The following NAALAD2 variants were observed in gnomAD, a reference collection of about 807,000 sequenced individuals.
NAALAD2 encodes the protein N-acetylated alpha-linked acidic dipeptidase 2, also known as N-acetylated-alpha-linked acidic dipeptidase 2.
A neutral mutation model predicts 95.6 loss-of-function variants in NAALAD2; 89 were observed. The observed-to-expected ratio is 0.93, with a 90% CI of 0.78 to 1.11. The LOEUF is 1.11. Among genes scored for constraint, NAALAD2 ranks in the 50% least tolerant of loss-of-function variants. The pLI, the probability that NAALAD2 is intolerant of heterozygous loss-of-function variation, is 0.00. For missense variants in NAALAD2, 894 were observed against 872.4 expected, an observed-to-expected ratio of 1.02 and a Z score of -0.31; for synonymous variants, 264 against 294.4, an observed-to-expected ratio of 0.90 and a Z score of 1.06.
At chr11:90,171,999 GAAAA>G (rs1952654647) in intron 13 of NAALAD2, among the ~76,000 whole-genome samples, 1 of 106,434 alleles carries the variant, frequency 9.4e-6, no homozygotes, top group African/African-American at 5.1e-5. Flanking sequence ...AGAAAGAAAA[GAAAA>G]AAGAAAGAAA....
At chr11:90,182,628 G>A (rs1437829769) in intron 17 of NAALAD2, among the ~76,000 whole-genome samples, 1 of 125,084 alleles carries the variant, frequency 8.0e-6, no homozygotes, top group African/African-American at 3.2e-5. Flanking sequence ...AGGCCTGGCT[G>A]TCCTCCTAGA....
At chr11:90,165,413 AGT>A (rs903208098) in intron 11 of NAALAD2, among the ~76,000 whole-genome samples, 13 of 152,260 alleles carry the variant, frequency 8.5e-5, no homozygotes, top group African/African-American at 2.6e-4. Context: ...TCCATCTGCT[AGT>A]TATCATTTAT....
At chr11:90,165,640 C>T (rs1400666413) in intron 11 of NAALAD2, among the ~76,000 whole-genome samples, 2 of 152,114 alleles carry the variant, frequency 1.3e-5, no homozygotes, top group African/African-American at 4.8e-5. Context: ...ATTTACACTG[C>T]GAATTGTTAT....
intron 6 of NAALAD2, among the ~76,000 whole-genome samples, chr11:90,155,822 A>G (rs930578956): frequency 8.7e-6 from 1 of 115,194 alleles, no homozygotes; most frequent in Non-Finnish European, 1.6e-5. Context: ...TATAATATAT[A>G]TGTAATATAT....
At chr11:90,135,774 G>T (rs1951440865) in intron 2 of NAALAD2, 104 bp downstream of exon 2, 7 of 786,962 alleles carry the variant, frequency 8.9e-6, no homozygotes, top group South Asian at 3.0e-5. Context: ...TTCTCTGTGT[G>T]AAATTACATA....
At chr11:90,140,819 TTCC>T (rs1228661979) in intron 2 of NAALAD2, among the ~76,000 whole-genome samples, 2 of 152,154 alleles carry the variant, frequency 1.3e-5, no homozygotes, top group African/African-American at 4.8e-5. Context: ...GTCTTCTTTT[TTCC>T]CCCAGAGATT....
chr11:90,179,538 G>GA (rs973496008), intron 16 of NAALAD2, among the ~76,000 whole-genome samples: 2 of 151,620 alleles, frequency 1.3e-5, no homozygotes, highest in African/African-American at 4.8e-5. Context: ...CTATGGTCTA[G>GA]AAAAAAAATG....
At chr11:90,180,760 G>A (rs1051897716) in intron 16 of NAALAD2, among the ~76,000 whole-genome samples, 1 of 151,930 alleles carries the variant, frequency 6.6e-6, no homozygotes, top group Non-Finnish European at 1.5e-5. Context: ...CTATATTGGT[G>A]AGTTCTGCAT....
At chr11:90,134,535 C>G (rs185378875), upstream of NAALAD2, 343 of 539,878 alleles carry the variant, frequency 6.4e-4, 1 homozygote, top group African/African-American at 6.3e-3. Context: ...TGGAAGTTGC[C>G]CGCCAACAGG....
chr11:90,146,227 A>G lies in NAALAD2; in HGVS notation c.195-1103A>G, dbSNP rs116142132. Among the ~76,000 whole-genome samples, 782 of 151,658 alleles carry G rather than the reference A, an allele frequency of 5.2e-3. 8 individuals carry two copies. The highest frequency in any genetic ancestry group is 0.018 in the African/African-American group (730 of 41,338). Reference sequence around the variant, plus strand: ...GTGCTTGTCATACAACAGGTTTTCAATACATGTTAATTTCCTTCTACTGCT... The same window carrying G: ...GTGCTTGTCATACAACAGGTTTTCAGTACATGTTAATTTCCTTCTACTGCT... On this transcript the variant is annotated intron_variant, in intron 2 of 18. Transcript: ENST00000534061.
intron 16 of NAALAD2, among the ~76,000 whole-genome samples, chr11:90,179,780 C>T (rs1952907649): frequency 8.1e-6 from 1 of 122,786 alleles, no homozygotes; most frequent in African/African-American, 3.3e-5. Context: ...AGAAACCACA[C>T]AGTTAGAGTG....
intron 2 of NAALAD2, among the ~76,000 whole-genome samples, chr11:90,137,423 C>A (rs1951478013): frequency 6.6e-6 from 1 of 152,160 alleles, no homozygotes; most frequent in South Asian, 2.1e-4. Flanking sequence ...CCTAACTACT[C>A]TGATTTGATC....
intron 16 of NAALAD2, among the ~76,000 whole-genome samples, chr11:90,178,487 T>C (rs534797692): frequency 1.3e-5 from 2 of 152,168 alleles, no homozygotes; most frequent in East Asian, 1.9e-4. Flanking sequence ...CTGGCTATTA[T>C]GGTGAAACCG....
chr11:90,150,685 C>A, intron 5 of NAALAD2, 78 bp downstream of exon 5: 1 of 1,275,908 alleles, frequency 7.8e-7, no homozygotes, highest in Non-Finnish European at 1.0e-6. Context: ...ACTTGCTTCT[C>A]TGTTTCCAAA....
chr11:90,177,644 G>C (rs551857756), intron 15 of NAALAD2, among the ~76,000 whole-genome samples: 1 of 71,060 alleles, frequency 1.4e-5, no homozygotes, highest in African/African-American at 6.3e-5. Flanking sequence ...GTAGAGACAG[G>C]GTTTCTCCAT....
At chr11:90,134,994 G>T (rs1465649192) in intron 1 of NAALAD2, 154 bp downstream of exon 1, 8 of 695,244 alleles carry the variant, frequency 1.2e-5, no homozygotes, top group Non-Finnish European at 2.0e-5. Context: ...AGCAAAACTA[G>T]AAACCAGATG....
intron 3 of NAALAD2, among the ~76,000 whole-genome samples, chr11:90,148,360 G>A (rs1036281807): frequency 9.9e-5 from 15 of 152,212 alleles, no homozygotes; most frequent in African/African-American, 3.1e-4. Flanking sequence ...GGGGAAGGAG[G>A]GGAAGATAGA....
intron 18 of NAALAD2, among the ~76,000 whole-genome samples, chr11:90,189,121 T>C (rs576230377): frequency 1.0e-3 from 149 of 149,392 alleles, no homozygotes; most frequent in African/African-American, 3.4e-3. Flanking sequence ...GGTGATGCCA[T>C]TGCGAAAAGA....
intron 8 of NAALAD2, 108 bp from the exon 9 acceptor site, chr11:90,162,841 C>CA: frequency 1.6e-6 from 1 of 616,390 alleles, no homozygotes; most frequent in Non-Finnish European, 2.8e-6. Flanking sequence ...TATGCTATTG[C>CA]ACAGCTTTTC....
Sources: allele counts gnomAD v4.1 joint callset (sites outside exome capture counted in the v4.1 genomes callset), GRCh38; gene constraint gnomAD v4.1.1; transcripts MANE v1.5; gene names NCBI Gene and HGNC (gene_info 2026-07-23, HGNC 2026-07-21).